PPP1R12B: variants seen among roughly 807,000 people sequenced by gnomAD.
PPP1R12B encodes protein phosphatase 1 regulatory subunit 12B, also known as myosin phosphatase target subunit 2.
A neutral mutation model predicts 126.1 loss-of-function variants in PPP1R12B; 76 were observed. That is an observed-to-expected ratio of 0.60 (90% CI 0.50 to 0.73). The LOEUF (loss-of-function observed/expected upper bound fraction) is 0.73. Ranked by LOEUF, PPP1R12B falls within the 30% of genes least tolerant of loss-of-function variation. PPP1R12B has a pLI of 0.00. For missense variants in PPP1R12B, 1,052 were observed against 1,205.1 expected (o/e 0.87, Z 1.88); for synonymous variants, 356 against 434.7 (o/e 0.82, Z 2.25).
chr1:202,475,904 A>G (rs1676580401), intron 13 of PPP1R12B, among the ~76,000 whole-genome samples: 2 of 152,068 alleles, frequency 1.3e-5, no homozygotes, highest in South Asian at 4.1e-4. Context: ...TCTTATGTTA[A>G]TACACAGGAC....
rs1318966415 is a variant in PPP1R12B at position 202,581,124 on chromosome 1, AACTG to A, written c.*568_*571del. ...GCTCTATTCTTCTTCACCTCTCAGG[AACTG>A]ACTTTTATTTTTTCTGTCAACACCC... On this transcript the variant is annotated 3_prime_UTR_variant, in exon 24 of 24. Transcript: ENST00000608999. The A allele has an allele frequency of 6.5e-6, 1 of 153,076 alleles. No individual in the cohort carries two copies. Among genetic ancestry groups the A allele is most frequent in the African/African-American group, 2.4e-5 (1 of 41,432 alleles). 9.5% of individuals were successfully genotyped at this position (153,076 alleles called of 1,614,324 possible).
intron 23 of PPP1R12B, among the ~76,000 whole-genome samples, chr1:202,574,484 CAG>C (rs1292285237): frequency 6.6e-6 from 1 of 152,132 alleles, no homozygotes; most frequent in Non-Finnish European, 1.5e-5. Context: ...GCCAAGGTGA[CAG>C]AGTCGGACCC....
In PPP1R12B at chr1:202,493,296, G is replaced by A; in HGVS notation, c.2124G>A (p.Trp708Ter). The change falls in exon 15 of 24, where the codon TGG becomes TGA. Residue 708 changes from tryptophan to a stop codon, truncating the protein, a stop_gained. Transcript: ENST00000608999. LOFTEE classifies it high-confidence loss of function. ...ATEAGEGQQP[W>*]GRSLDEEPIC... ...AAGCTGGGGAGGGCCAGCAGCCCTG[G>A]GGCAGGAGTCTGGATGAAGAGGTGA... 1 of 1,612,340 alleles carries A rather than the reference G, an allele frequency of 6.2e-7. No individual in the cohort carries two copies. The highest frequency in any genetic ancestry group is 8.5e-7 in the Non-Finnish European group (1 of 1,179,772).
At chr1:202,518,532 A>AGT (rs1403486293) in intron 18 of PPP1R12B, among the ~76,000 whole-genome samples, 1 of 152,254 alleles carries the variant, frequency 6.6e-6, no homozygotes, top group Non-Finnish European at 1.5e-5. Context: ...CTTACAGTAT[A>AGT]GTATTACTAA....
intron 13 of PPP1R12B, 21 bp from the exon 14 acceptor site, chr1:202,488,512 A>G (rs763327406): frequency 1.6e-5 from 25 of 1,550,602 alleles, no homozygotes; most frequent in South Asian, 5.7e-5. Context: ...TGCTTTTGCT[A>G]TTACTTTTTT....
At chr1:202,400,061 T>C (rs1231349930) in intron 1 of PPP1R12B, among the ~76,000 whole-genome samples, 1 of 152,010 alleles carries the variant, frequency 6.6e-6, no homozygotes, top group African/African-American at 2.4e-5. Context: ...GCCATCTTTA[T>C]GTCCATGAAT....
chr1:202,415,858 G>A (rs1029639238), intron 1 of PPP1R12B, among the ~76,000 whole-genome samples: 10 of 152,046 alleles, frequency 6.6e-5, no homozygotes, highest in African/African-American at 1.9e-4. Flanking sequence ...TCTCACCAAA[G>A]CAGTGTTTGT....
At chr1:202,460,906 T>G (rs1674228619) in intron 13 of PPP1R12B, among the ~76,000 whole-genome samples, 1 of 152,194 alleles carries the variant, frequency 6.6e-6, no homozygotes, top group South Asian at 2.1e-4. Flanking sequence ...ACAAACAAAC[T>G]GCTTTCAGTG....
intron 13 of PPP1R12B, among the ~76,000 whole-genome samples, chr1:202,452,008 C>T (rs1450490815): frequency 3.3e-5 from 5 of 150,904 alleles, no homozygotes; most frequent in Admixed American, 6.6e-5. Flanking sequence ...CGGGCAGAGA[C>T]GCTCCTCACC....
At chr1:202,436,983 A>ATTTTTTC (rs1170822201) in intron 9 of PPP1R12B, among the ~76,000 whole-genome samples, 1 of 152,090 alleles carries the variant, frequency 6.6e-6, no homozygotes, top group Non-Finnish European at 1.5e-5. Flanking sequence ...GGCGTCTAGA[A>ATTTTTTC]TTTTTATCAG....
intron 13 of PPP1R12B, among the ~76,000 whole-genome samples, chr1:202,453,719 T>C (rs76791431): frequency 6.6e-6 from 1 of 152,070 alleles, no homozygotes; most frequent in Non-Finnish European, 1.5e-5. Context: ...TTTTTTTTTT[T>C]TTATAAAGAC....
intron 1 of PPP1R12B, among the ~76,000 whole-genome samples, chr1:202,380,268 G>A (rs1010075439): frequency 6.6e-6 from 1 of 152,022 alleles, no homozygotes; most frequent in African/African-American, 2.4e-5. Flanking sequence ...CTCATGATAC[G>A]TTGTTGCTGG....
chr1:202,371,699 CA>C (rs2148451487), intron 1 of PPP1R12B, among the ~76,000 whole-genome samples: 1 of 152,016 alleles, frequency 6.6e-6, no homozygotes, highest in South Asian at 2.1e-4. Flanking sequence ...TTAAGATTTA[CA>C]AAAAAGTTGC....
intron 18 of PPP1R12B, chr1:202,501,740 G>A: frequency 2.1e-6 from 1 of 466,424 alleles, no homozygotes; most frequent in Non-Finnish European, 2.8e-6. Flanking sequence ...TCTCTGCTAG[G>A]TGAGCAACCT....
chr1:202,422,511 A>G, intron 2 of PPP1R12B, 109 bp from the exon 3 acceptor site: 3 of 911,586 alleles, frequency 3.3e-6, no homozygotes, highest in Non-Finnish European at 5.2e-6. Flanking sequence ...AACTGAGACC[A>G]TATTTTAAAC....
chr1:202,483,016 T>G (rs1677605788), intron 13 of PPP1R12B, among the ~76,000 whole-genome samples: 1 of 152,226 alleles, frequency 6.6e-6, no homozygotes, highest in Admixed American at 6.5e-5. Context: ...TCCCCTAATG[T>G]GTGTTCTTGG....
Position 202,440,792 on chromosome 1 carries a change from A to G in PPP1R12B, c.1541+4A>G, listed in dbSNP as rs777941731. 4 of 1,611,462 alleles carry G rather than the reference A, an allele frequency of 2.5e-6. No homozygotes were observed. Among genetic ancestry groups the G allele is most frequent in the Non-Finnish European group, 2.5e-6 (3 of 1,177,694 alleles). ...ATATTGAAGAAAAGGAGAACAGGTA[A>G]TCCTAAAACCAGCCAAAAGATGGTC... is the stretch of plus-strand genomic sequence containing the variant. On this transcript the variant is annotated splice_donor_region_variant and intron_variant, in intron 11 of 23. Coordinates refer to ENST00000608999, the MANE Select transcript of PPP1R12B (RefSeq NM_002481.4).
At chr1:202,389,170 A>C (rs1181119810) in intron 1 of PPP1R12B, among the ~76,000 whole-genome samples, 1 of 152,198 alleles carries the variant, frequency 6.6e-6, no homozygotes, top group Non-Finnish European at 1.5e-5. Context: ...GAATATTTTT[A>C]TAACTAGGAA....
chr1:202,448,792 C>T (rs1485786173), intron 12 of PPP1R12B, among the ~76,000 whole-genome samples, 197 bp from the exon 13 acceptor site: 5 of 152,182 alleles, frequency 3.3e-5, no homozygotes, highest in African/African-American at 1.2e-4. Flanking sequence ...TGTGACTCCT[C>T]AGGCAAAGGA....
Sources: gnomAD v4.1 joint callset for allele counts (sites outside exome capture counted in the v4.1 genomes callset) on GRCh38, gnomAD v4.1.1 for gene constraint, MANE v1.5 for transcripts, NCBI Gene and HGNC (gene_info 2026-07-23, HGNC 2026-07-21) for gene names.